Variants in ST8SIA5 observed in about 807,000 individuals in gnomAD.
ST8SIA5 encodes alpha-2,8-sialyltransferase 8E.
In ST8SIA5, 24 loss-of-function variants were observed where a neutral mutation model predicts 40.2. The observed-to-expected ratio is 0.60, with a 90% CI of 0.43 to 0.84. The LOEUF (loss-of-function observed/expected upper bound fraction) is 0.84, where lower values mean the gene tolerates loss of function less well. Ranked by LOEUF, ST8SIA5 falls within the 40% of genes least tolerant of loss-of-function variation. The pLI, the probability that ST8SIA5 is intolerant of heterozygous loss-of-function variation, is 0.00. For synonymous variants in ST8SIA5, 198 were observed against 201.8 expected, an observed-to-expected ratio of 0.98 and a Z score of 0.16; for missense variants, 465 against 498.5, an observed-to-expected ratio of 0.93 and a Z score of 0.64.
intron 1 of ST8SIA5, among the ~76,000 whole-genome samples, chr18:46,709,732 T>A (rs888449640): frequency 3.3e-5 from 5 of 152,238 alleles, no homozygotes; most frequent in Admixed American, 1.3e-4. Context: ...TGTGAAAGCA[T>A]GGGCAAAGGG....
At position 46,676,274 on chromosome 18, in the gene ST8SIA5, C is replaced by T. The variant is rs1012052232; in HGVS notation, c.*3768G>A. The T allele has an allele frequency of 1.3e-5, 2 of 152,196 alleles. No individual in the cohort carries two copies. Among genetic ancestry groups the T allele is most frequent in the African/African-American group, 2.4e-5 (1 of 41,436 alleles). The allele number at this position is 152,196 out of a possible 1,614,324, so 9.4% of individuals were successfully genotyped here. A position where few individuals can be genotyped will look rare whatever the true frequency, so the allele number is the denominator to read the frequency against. On this transcript the variant is annotated 3_prime_UTR_variant, in exon 7 of 7. Coordinates refer to ENST00000315087, the MANE Select transcript of ST8SIA5 (RefSeq NM_013305.6). Reference sequence around the variant, plus strand: ...TAGTGTTCAGCACAACCAGCTCCCACGTACGTTTGTGGGATTCGTCATTTA... The same window carrying T: ...TAGTGTTCAGCACAACCAGCTCCCATGTACGTTTGTGGGATTCGTCATTTA...
At chr18:46,713,839 G>C (rs1024390805) in intron 1 of ST8SIA5, among the ~76,000 whole-genome samples, 9 of 152,184 alleles carry the variant, frequency 5.9e-5, no homozygotes, top group African/African-American at 2.2e-4. Flanking sequence ...ATGCCCCTCT[G>C]CCGTAGGTGG....
At chr18:46,682,496 A>G (rs1267204089) in intron 5 of ST8SIA5, among the ~76,000 whole-genome samples, 1 of 152,262 alleles carries the variant, frequency 6.6e-6, no homozygotes, top group Admixed American at 6.5e-5. Flanking sequence ...CTACATAAAC[A>G]TGCGATATGT....
At chr18:46,755,077 G>T (rs2040228674) in intron 1 of ST8SIA5, among the ~76,000 whole-genome samples, 1 of 152,206 alleles carries the variant, frequency 6.6e-6, no homozygotes, top group Non-Finnish European at 1.5e-5. Flanking sequence ...ACGCTCCCTG[G>T]GAAGGTCCGG....
At chr18:46,716,631 C>T (rs574901220) in intron 1 of ST8SIA5, among the ~76,000 whole-genome samples, 138 of 152,318 alleles carry the variant, frequency 9.1e-4, no homozygotes, top group Admixed American at 4.9e-3. Context: ...AAGGAGCCTG[C>T]AGCTGTGCCT....
In ST8SIA5 at chr18:46,702,469, A is replaced by G. The variant is rs950559044; in HGVS notation, c.224+2103T>C. Among the ~76,000 whole-genome samples, 3 of 152,268 alleles carry G rather than the reference A, an allele frequency of 2.0e-5. No individual in the cohort carries two copies. The East Asian group carries it at 5.8e-4, about 29-fold the overall frequency. On this transcript the variant is annotated intron_variant, in intron 2 of 6. Coordinates refer to ENST00000315087, the MANE Select transcript of ST8SIA5 (RefSeq NM_013305.6). ...CTGGGTCTGTATCATGAAGCCCCAC[A>G]TGGTCTGGCCCTACCTGACCCTCTA...
intron 1 of ST8SIA5, among the ~76,000 whole-genome samples, chr18:46,715,660 G>A (rs1451554256): frequency 7.9e-5 from 12 of 151,916 alleles, no homozygotes; most frequent in Admixed American, 7.2e-4. Flanking sequence ...GCTCACTGCA[G>A]CCTCGAACTT....
chr18:46,735,391 A>T (rs1002214851), intron 1 of ST8SIA5, among the ~76,000 whole-genome samples: 8 of 152,222 alleles, frequency 5.3e-5, no homozygotes, highest in African/African-American at 1.9e-4. Flanking sequence ...CTAATACAGT[A>T]ACCAACGTCT....
intron 1 of ST8SIA5, among the ~76,000 whole-genome samples, chr18:46,705,727 G>C (rs2039663895): frequency 6.6e-6 from 1 of 152,228 alleles, no homozygotes; most frequent in South Asian, 2.1e-4. Context: ...TGGAGGGTTG[G>C]ATCCCAGGAC....
At chr18:46,735,563 T>TAGCTG (rs2040025914) in intron 1 of ST8SIA5, among the ~76,000 whole-genome samples, 1 of 152,218 alleles carries the variant, frequency 6.6e-6, no homozygotes, top group Non-Finnish European at 1.5e-5. Context: ...TGAGAATTGA[T>TAGCTG]GGATTGTATC....
chr18:46,725,969 AAAAATATATATATAT>A (rs1412837236), intron 1 of ST8SIA5, among the ~76,000 whole-genome samples: 2 of 45,622 alleles, frequency 4.4e-5, no homozygotes, highest in Non-Finnish European at 7.1e-5. Context: ...TAAAAAAAAA[AAAAATATATATATAT>A]ATATATATAT....
intron 1 of ST8SIA5, among the ~76,000 whole-genome samples, chr18:46,719,014 C>T (rs1414874441): frequency 6.6e-6 from 1 of 152,158 alleles, no homozygotes; most frequent in African/African-American, 2.4e-5. Flanking sequence ...CCATTATTTC[C>T]CACATGTGGG....
chr18:46,717,289 G>A (rs537433966), intron 1 of ST8SIA5, among the ~76,000 whole-genome samples: 1 of 152,238 alleles, frequency 6.6e-6, no homozygotes, highest in East Asian at 1.9e-4. Context: ...TTCAGGAGGA[G>A]GTCTAGTCAG....
At chr18:46,744,191 C>G (rs956679718) in intron 1 of ST8SIA5, among the ~76,000 whole-genome samples, 1 of 152,138 alleles carries the variant, frequency 6.6e-6, no homozygotes, top group Non-Finnish European at 1.5e-5. Flanking sequence ...ATCATAATGA[C>G]GGGATCAAAT....
chr18:46,715,450 T>C (rs11082552), intron 1 of ST8SIA5, among the ~76,000 whole-genome samples: 11,963 of 151,838 alleles, frequency 0.079, 877 homozygotes, highest in East Asian at 0.42. Context: ...ACACAGAAGA[T>C]AGAAAGTGGA....
rs1232668227 is a variant in ST8SIA5, at chr18:46,672,101, T to G, written c.*7941A>C. The G allele has an allele frequency of 6.6e-6, 1 of 152,234 alleles. No individual in the cohort carries two copies. Among genetic ancestry groups the G allele is most frequent in the Non-Finnish European group, 1.5e-5 (1 of 68,042 alleles). 9.4% of individuals were successfully genotyped at this position (152,234 alleles called of 1,614,324 possible). A position where few individuals can be genotyped will look rare whatever the true frequency, so the allele number is the denominator to read the frequency against. On this transcript the variant is annotated 3_prime_UTR_variant, in exon 7 of 7. Coordinates refer to ENST00000315087, the MANE Select transcript of ST8SIA5 (RefSeq NM_013305.6). ...AGTGGTTCTCAAGGCTGGCTGCACA[T>G]TAGAAACATCTGGAGAATTTGTGAA...
chr18:46,680,407 C>G lies in ST8SIA5; in HGVS notation c.766G>C (p.Asp256His). 6.2e-7 allele frequency: 1 copy of G among 1,613,502 alleles called. No individual in the cohort carries two copies. The highest frequency in any genetic ancestry group is 8.5e-7 in the Non-Finnish European group (1 of 1,179,722). Residue 256 changes from aspartate (D) to histidine (H), a missense_variant, in exon 7 of 7, where the codon GAC (aspartate) becomes CAC (histidine). Coordinates refer to ENST00000315087, the MANE Select transcript of ST8SIA5 (RefSeq NM_013305.6). ...ACGTACTTGACGCGGATGGACACGT[C>G]GGTGTTGCGCGTGTTGTAGAAGGCA... ...LPAFYNTRNT[D>H]VSIRVKYVLD...
At chr18:46,755,786 G>A (rs1283819094) in intron 1 of ST8SIA5, among the ~76,000 whole-genome samples, 1 of 152,134 alleles carries the variant, frequency 6.6e-6, no homozygotes, top group African/African-American at 2.4e-5. Context: ...TGTTTCAGAA[G>A]GAATCAGGTT....
rs1231194165 is a variant in ST8SIA5 at position 46,674,031 on chromosome 18, A to C, written c.*6011T>G. 6.6e-6 allele frequency: 1 copy of C among 152,140 alleles called. No homozygotes were observed. Among genetic ancestry groups the C allele is most frequent in the Admixed American group, 6.5e-5 (1 of 15,278 alleles). 9.4% of individuals were successfully genotyped at this position (152,140 alleles called of 1,614,324 possible). A position where few individuals can be genotyped will look rare whatever the true frequency, so the allele number is the denominator to read the frequency against. ...CCATGCTCCTGGTCTTCCCCTTCGC[A>C]TCTGGAGCAGACATCCTGCAAAGCT... On this transcript the variant is annotated 3_prime_UTR_variant, in exon 7 of 7. Coordinates refer to ENST00000315087, the MANE Select transcript of ST8SIA5 (RefSeq NM_013305.6).
Sources: gnomAD v4.1 joint callset for allele counts (sites outside exome capture counted in the v4.1 genomes callset) on GRCh38, gnomAD v4.1.1 for gene constraint, MANE v1.5 for transcripts, NCBI Gene and HGNC (gene_info 2026-07-23, HGNC 2026-07-21) for gene names.